The following QRICH2 variants were observed in gnomAD, a reference collection of about 807,000 sequenced individuals.
The protein encoded by QRICH2 is glutamine rich 2.
A neutral mutation model predicts 168.3 loss-of-function variants in QRICH2; 119 were observed. The ratio of observed to expected loss-of-function variants is 0.71; its 90% CI spans 0.61 to 0.82. QRICH2 has a LOEUF of 0.82. QRICH2 is among the 40% of genes least tolerant of loss of function. QRICH2 has a pLI of 0.00. For missense variants in QRICH2, 2,241 were observed against 2,491.6 expected, an observed-to-expected ratio of 0.90 and a Z score of 2.14; for synonymous variants, 894 against 951.2, an observed-to-expected ratio of 0.94 and a Z score of 1.11.
Position 76,278,197 on chromosome 17 carries a change from G to T in QRICH2, c.4917-8C>A, listed in dbSNP as rs758065207. 19 of 1,602,946 alleles carry T rather than the reference G, an allele frequency of 1.2e-5. No individual in the cohort carries two copies. The highest frequency in any genetic ancestry group is 1.7e-5 in the Admixed American group (1 of 59,994). The stretch of plus-strand genomic sequence containing the variant: ...GCGCTGCCCAGCTTGAGGCTGCAGG[G>T]TGTGAGCAGAACAGAGGGAGGGTTG... On this transcript the variant is annotated splice_polypyrimidine_tract_variant and splice_region_variant and intron_variant, in intron 14 of 18. Transcript: ENST00000680821.
intron 1 of QRICH2, among the ~76,000 whole-genome samples, chr17:76,306,122 A>G (rs924685395): frequency 1.4e-5 from 2 of 140,700 alleles, no homozygotes; most frequent in African/African-American, 5.2e-5. Context: ...TGAGCCGACA[A>G]TGCACCACTG....
At position 76,275,909 on chromosome 17, in the gene QRICH2, GC is replaced by G. The variant is rs1227980194; in HGVS notation, c.5391del (p.Arg1797SerfsTer97). ...AGGGATGGCGGCCTGTGCACGTGGG[GC>G]CTGGGCTGCTGGGACTTGCGCTTTG... ...GTSKRKSQQP[R>X]PHVHRPPSLS... is the part of the protein sequence containing the mutation. On this transcript the variant is annotated frameshift_variant, in exon 18 of 19. Coordinates refer to ENST00000680821, the MANE Select transcript of QRICH2 (RefSeq NM_001388453.1). LOFTEE classifies it high-confidence loss of function. 1.9e-6 allele frequency: 3 copies of G among 1,608,880 alleles called. No individual in the cohort carries two copies. The highest frequency in any genetic ancestry group is 2.2e-5 in the South Asian group (2 of 91,070).
Position 76,304,834 on chromosome 17 carries a change from C to G in QRICH2, c.594+48G>C, listed in dbSNP as rs145856984. ...CTGGAGAGAGGGCCACACTGAGAGACGGCCAGCCCCCTGGAGAGCCCTTTC... is the reference window on the plus strand; with the variant it reads ...CTGGAGAGAGGGCCACACTGAGAGAGGGCCAGCCCCCTGGAGAGCCCTTTC... On this transcript the variant is annotated intron_variant, in intron 2 of 18. Coordinates refer to ENST00000680821, the MANE Select transcript of QRICH2 (RefSeq NM_001388453.1). 1.2e-3 allele frequency: 1,638 copies of G among 1,363,912 alleles called. 16 individuals are homozygous for G. In the African/African-American group the frequency reaches 0.02, roughly 17 times the overall value. 84.5% of individuals were successfully genotyped at this position (1,363,912 alleles called of 1,614,324 possible).
intron 4 of QRICH2, among the ~76,000 whole-genome samples, chr17:76,290,673 T>C (rs1399139974): frequency 1.3e-5 from 2 of 152,106 alleles, no homozygotes; most frequent in Non-Finnish European, 2.9e-5. Flanking sequence ...GTGTGAGCCA[T>C]TGCTCCCAGT....
chr17:76,277,376 A>G (rs2070701600), intron 15 of QRICH2, 66 bp from the exon 16 acceptor site: 1 of 1,560,324 alleles, frequency 6.4e-7, no homozygotes, highest in African/African-American at 1.4e-5. Context: ...GGACTCACCC[A>G]CCCATGGGGC....
chr17:76,279,489 TG>T, intron 12 of QRICH2, 61 bp from the exon 13 acceptor site: 5 of 1,394,034 alleles, frequency 3.6e-6, no homozygotes, highest in Non-Finnish European at 5.0e-6. Flanking sequence ...CAGAAGGGCT[TG>T]GGGCTCTGCA....
rs754377767 is a variant in QRICH2 at position 76,293,637 on chromosome 17, G to A, written c.1090C>T (p.Gln364Ter). ...RRNARPGPVQ[Q>*]DLPLARDQPS... ...TGGTCTCTGGCCAAGGGTAAGTCCTGTTGAACTGGACCAGGACGTGCATTT... is the reference window on the plus strand; with the variant it reads ...TGGTCTCTGGCCAAGGGTAAGTCCTATTGAACTGGACCAGGACGTGCATTT... Residue 364 changes from glutamine (Q) to a stop codon, truncating the protein, a stop_gained, in exon 4 of 19, where the codon CAG (glutamine) becomes TAG (stop). Transcript: ENST00000680821. LOFTEE classifies it high-confidence loss of function. 16 of 1,614,086 alleles carry A rather than the reference G, an allele frequency of 9.9e-6. No individual in the cohort carries two copies. Among genetic ancestry groups the A allele is most frequent in the East Asian group, 2.2e-5 (1 of 44,894 alleles).
intron 3 of QRICH2, among the ~76,000 whole-genome samples, chr17:76,300,336 T>C (rs1047959408): frequency 1.3e-5 from 2 of 152,072 alleles, no homozygotes; most frequent in African/African-American, 4.8e-5. Context: ...AAGATAAATA[T>C]AAATATTAAA....
At chr17:76,302,014 T>A (rs2070912911) in intron 3 of QRICH2, among the ~76,000 whole-genome samples, 1 of 152,056 alleles carries the variant, frequency 6.6e-6, no homozygotes, top group South Asian at 2.1e-4. Context: ...TTTTCCTGCC[T>A]CAGCCTCCCA....
intron 18 of QRICH2, among the ~76,000 whole-genome samples, chr17:76,275,268 G>T (rs1399718102): frequency 6.6e-6 from 1 of 152,206 alleles, no homozygotes; most frequent in Non-Finnish European, 1.5e-5. Context: ...GGTCTGGAGA[G>T]GGGAGAGCCC....
At position 76,291,690 on chromosome 17, in the gene QRICH2, G is replaced by A. The variant is rs750934226; in HGVS notation, c.3037C>T (p.Pro1013Ser). Residue 1013 changes from proline to serine, a missense_variant, in exon 4 of 19, where the codon CCT (proline) becomes TCT (serine). Physicochemically the swap from Pro to Ser is moderately conservative, Grantham distance 74. Around this residue, in one of 3 missense-constraint regions of QRICH2, gnomAD observed 2,047 missense variants for 2,303.8 expected, o/e 0.89. Transcript: ENST00000680821. ...TGGCCGTATTGTTCTCTGCCAGGAGGTACCATACCATGTTGATATGGACGT... is the reference window on the plus strand; with the variant it reads ...TGGCCGTATTGTTCTCTGCCAGGAGATACCATACCATGTTGATATGGACGT... ...SVRPYQHGMV[P>S]PGREQYGQVS... 6.2e-7 allele frequency: 1 copy of A among 1,614,150 alleles called. No homozygotes were observed. The highest frequency in any genetic ancestry group is 8.5e-7 in the Non-Finnish European group (1 of 1,180,010).
chr17:76,287,888 G>A lies in QRICH2; in HGVS notation c.3808C>T (p.Leu1270=). The part of the protein sequence containing the change: ...VWQEKAKVER[L]QRILEGEGNQ... The stretch of plus-strand genomic sequence containing the variant: ...CCTTCCCCTTCCAGGATCCTCTGCA[G>A]CCTTTCCACCTACAAACCCAGTGAA... The change falls in exon 6 of 19, where the codon CTG becomes TTG. Residue 1270 remains leucine (L), a synonymous_variant. Transcript: ENST00000680821. 1 of 1,613,782 alleles carries A rather than the reference G, an allele frequency of 6.2e-7. No individual in the cohort carries two copies.
intron 3 of QRICH2, among the ~76,000 whole-genome samples, chr17:76,301,992 G>A (rs527623528): frequency 3.3e-5 from 5 of 151,372 alleles, no homozygotes; most frequent in African/African-American, 7.3e-5. Context: ...TTCGTTTCCC[G>A]GGTTCAAATG....
chr17:76,290,314 T>G (rs1462604203), intron 4 of QRICH2, among the ~76,000 whole-genome samples: 4 of 152,136 alleles, frequency 2.6e-5, no homozygotes, highest in African/African-American at 9.7e-5. Flanking sequence ...GACAACTGAC[T>G]CCCGAATTCC....
chr17:76,278,346 C>T (rs2143140709), intron 14 of QRICH2, among the ~76,000 whole-genome samples, 157 bp from the exon 15 acceptor site: 1 of 152,366 alleles, frequency 6.6e-6, no homozygotes, highest in Middle Eastern at 3.4e-3. Flanking sequence ...GTCCTTTCCA[C>T]AGCATCTGAG....
At chr17:76,309,736 A>C (rs183997541), upstream of QRICH2, 2 of 152,216 alleles carry the variant, frequency 1.3e-5, no homozygotes, top group African/African-American at 4.8e-5. Context: ...TGCATAGCTT[A>C]TATGCAGATA....
At position 76,291,420 on chromosome 17, in the gene QRICH2, A is replaced by G; in HGVS notation, c.3307T>C (p.Phe1103Leu). Reference sequence around the variant, plus strand: ...GGATACATTGAATCATGACTGTCAAAGAGAGAGAAAGCATGGCCATGCTGA... The same window carrying G: ...GGATACATTGAATCATGACTGTCAAGGAGAGAGAAAGCATGGCCATGCTGA... ...AAQHGHAFSL[F>L]DSHDSMYPGY... The change falls in exon 4 of 19, where the codon TTT (phenylalanine) becomes CTT (leucine). Residue 1103 changes from phenylalanine (F) to leucine (L), a missense_variant. Transcript: ENST00000680821. 6.2e-7 allele frequency: 1 copy of G among 1,614,048 alleles called. No homozygotes were observed. The highest frequency in any genetic ancestry group is 1.3e-5 in the African/African-American group (1 of 75,032).
At chr17:76,290,871 G>T in intron 4 of QRICH2, 144 bp downstream of exon 4, 2 of 1,316,988 alleles carry the variant, frequency 1.5e-6, no homozygotes, top group South Asian at 1.5e-5. Flanking sequence ...TCTGAAGGCT[G>T]TGGGACATGC....
In QRICH2 at chr17:76,276,369, A is replaced by T. The variant is rs188006381; in HGVS notation, c.5353+311T>A. On this transcript the variant is annotated intron_variant, in intron 17 of 18. Coordinates refer to ENST00000680821, the MANE Select transcript of QRICH2 (RefSeq NM_001388453.1). ...CAGAGGGCACTGTGCTGAGTTTTGA[A>T]GGAGGAGGAGGCCCTGATGATGCCA... 1.6e-3 allele frequency among the ~76,000 whole-genome samples: 238 copies of T among 152,254 alleles called. 1 individual carries two copies. The highest frequency in any genetic ancestry group is 5.3e-3 in the African/African-American group (222 of 41,540).
Sources: gnomAD v4.1 joint callset for allele counts (sites outside exome capture counted in the v4.1 genomes callset) on GRCh38, gnomAD v4.1.1 for gene constraint, gnomAD v4.1.1 regional missense constraint, MANE v1.5 for transcripts, NCBI Gene and HGNC (gene_info 2026-07-23, HGNC 2026-07-21) for gene names.